Variants in CORO2B observed in about 807,000 individuals in gnomAD.
The protein encoded by CORO2B is coronin-2B.
A neutral mutation model predicts 58.8 loss-of-function variants in CORO2B; 26 were observed. The ratio of observed to expected loss-of-function variants is 0.44; its 90% CI spans 0.32 to 0.61. The LOEUF (loss-of-function observed/expected upper bound fraction) is 0.61, where lower values mean the gene tolerates loss of function less well. Among genes scored for constraint, CORO2B ranks in the 20% least tolerant of loss-of-function variants. The probability of loss-of-function intolerance (pLI) is 0.04; values close to 1 mark genes in which losing one functional copy is unlikely to be tolerated. For missense variants in CORO2B, 460 were observed against 645.1 expected (o/e 0.71, Z 3.11); for synonymous variants, 242 against 253.8 (o/e 0.95, Z 0.44).
At chr15:68,659,467 C>T (rs1901938414) in intron 2 of CORO2B, among the ~76,000 whole-genome samples, 1 of 152,192 alleles carries the variant, frequency 6.6e-6, no homozygotes, top group African/African-American at 2.4e-5. Flanking sequence ...AATCCCAGCA[C>T]ATTGGGAGGC....
chr15:68,719,391 G>A (rs1893109441), intron 10 of CORO2B, 22 bp from the exon 11 acceptor site: 15 of 1,612,458 alleles, frequency 9.3e-6, no homozygotes, highest in Non-Finnish European at 1.1e-5. Context: ...GTCAGTGAGA[G>A]CGTTTCCCTT....
intron 1 of CORO2B, among the ~76,000 whole-genome samples, 186 bp downstream of exon 1, chr15:68,579,463 G>A (rs1899367419): frequency 6.6e-6 from 1 of 152,062 alleles, no homozygotes; most frequent in Non-Finnish European, 1.5e-5. Context: ...GGAGGCCAGG[G>A]GGAGGATGCC....
At chr15:68,696,655 G>A (rs1892520414) in intron 3 of CORO2B, among the ~76,000 whole-genome samples, 1 of 152,118 alleles carries the variant, frequency 6.6e-6, no homozygotes, top group African/African-American at 2.4e-5. Flanking sequence ...AGTGGAGGTA[G>A]GGTCAGAGGG....
chr15:68,720,985 G>A (rs1161168835), intron 11 of CORO2B, among the ~76,000 whole-genome samples: 3 of 152,182 alleles, frequency 2.0e-5, no homozygotes, highest in Non-Finnish European at 4.4e-5. Flanking sequence ...AGGTTCAAGC[G>A]ATTGTCCTGC....
chr15:68,701,285 G>T (rs1381198685), intron 3 of CORO2B, among the ~76,000 whole-genome samples: 3 of 151,170 alleles, frequency 2.0e-5, no homozygotes, highest in Admixed American at 6.6e-5. Flanking sequence ...CAGGCTCTGC[G>T]ATCTAGGACT....
chr15:68,669,988 C>T (rs1902332511), intron 2 of CORO2B, among the ~76,000 whole-genome samples: 2 of 148,808 alleles, frequency 1.3e-5, no homozygotes, highest in Non-Finnish European at 3.0e-5. Context: ...ACCTAGGAGA[C>T]AGAGGTTGCA....
chr15:68,584,194 T>G (rs1243512452), intron 1 of CORO2B, among the ~76,000 whole-genome samples: 1 of 152,236 alleles, frequency 6.6e-6, no homozygotes, highest in Non-Finnish European at 1.5e-5. Context: ...TTGCCTTGCC[T>G]GCATACTGTA....
intron 1 of CORO2B, among the ~76,000 whole-genome samples, chr15:68,622,542 A>G (rs572299156): frequency 2.0e-5 from 3 of 152,294 alleles, no homozygotes; most frequent in Admixed American, 6.5e-5. Context: ...AATTGCCTTC[A>G]GCAATGGGGA....
In CORO2B at chr15:68,705,008, A is replaced by T. The variant is rs1892748204; in HGVS notation, c.334-5724A>T. Among the ~76,000 whole-genome samples the T allele has an allele frequency of 2.0e-5, 3 of 152,084 alleles. No individual in the cohort carries two copies. The South Asian group carries it at 6.2e-4, about 32-fold the overall frequency. The stretch of plus-strand genomic sequence containing the variant: ...AATCCCTCGAATACTAAGGGATTGG[A>T]ATTCCTTTCCCAGCTACTCAGGCCC... On this transcript the variant is annotated intron_variant, in intron 3 of 11. Coordinates refer to ENST00000261861, the MANE Select transcript of CORO2B (RefSeq NM_006091.5).
At chr15:68,558,550 A>AT in the CORO2B span, among the ~76,000 whole-genome samples, 3 of 151,916 alleles carry the variant, frequency 2.0e-5, no homozygotes, top group Admixed American at 6.6e-5. Context: ...GTAACTTATT[A>AT]TTTTTTGTAG....
At chr15:68,625,852 C>G (rs12915858) in intron 1 of CORO2B, among the ~76,000 whole-genome samples, 23,244 of 151,638 alleles carry the variant, frequency 0.15, 1,913 homozygotes, top group African/African-American at 0.21. Context: ...CAATCTGCCC[C>G]CCTTGGCCTC....
chr15:68,535,764 T>A, the CORO2B span, among the ~76,000 whole-genome samples: 1 of 152,136 alleles, frequency 6.6e-6, no homozygotes, highest in African/African-American at 2.4e-5. Flanking sequence ...CTACAAGCAG[T>A]ATGTAGGATT....
intron 3 of CORO2B, among the ~76,000 whole-genome samples, chr15:68,696,910 G>A (rs1567012346): frequency 6.6e-6 from 1 of 152,198 alleles, no homozygotes. Flanking sequence ...CAGAGCCTGG[G>A]TACCGGTCAG....
chr15:68,698,424 C>T (rs1192514689), intron 3 of CORO2B, among the ~76,000 whole-genome samples: 12 of 152,292 alleles, frequency 7.9e-5, no homozygotes, highest in African/African-American at 2.4e-4. Context: ...AGTCCTAGCT[C>T]GGCGTCTTAT....
chr15:68,702,404 A>G (rs1441161636), intron 3 of CORO2B, among the ~76,000 whole-genome samples: 2 of 152,156 alleles, frequency 1.3e-5, no homozygotes, highest in Non-Finnish European at 2.9e-5. Flanking sequence ...GTAGATGCTC[A>G]ACAATGCTTC....
rs35973911 is a variant in CORO2B, at chr15:68,705,436, C to CAAAAAAAAAAAA, written c.334-5289_334-5278dup. ...CTGGGCAAAAGGTGAAACTCTATCT[C>CAAAAAAAAAAAA]AAAAAAAAAAAAAAAAAAGAAAGTA... is the stretch of plus-strand genomic sequence containing the variant. On this transcript the variant is annotated intron_variant, in intron 3 of 11. Coordinates refer to ENST00000261861, the MANE Select transcript of CORO2B (RefSeq NM_006091.5). Among the ~76,000 whole-genome samples the CAAAAAAAAAAAA allele has an allele frequency of 4.7e-3, 524 of 112,622 alleles. 6 individuals carry two copies. Among genetic ancestry groups the CAAAAAAAAAAAA allele is most frequent in the African/African-American group, 0.018 (501 of 27,910 alleles). The allele number at this position is 112,622 out of a possible 152,430, so 73.9% of individuals were successfully genotyped here. A position where few individuals can be genotyped will look rare whatever the true frequency, so the allele number is the denominator to read the frequency against.
At position 68,674,990 on chromosome 15, in the gene CORO2B, TAG is replaced by T. The variant is rs1319004396; in HGVS notation, c.217-20145_217-20144del. Reference sequence around the variant, plus strand: ...AGTAGAACTTCAGGTATCAGTCAGCTAGAGAGTCAGAGATTCTTTTATAAGGC... The same window carrying T: ...AGTAGAACTTCAGGTATCAGTCAGCTAGAGTCAGAGATTCTTTTATAAGGC... On this transcript the variant is annotated intron_variant, in intron 2 of 11. Transcript: ENST00000261861. 1.5e-4 allele frequency among the ~76,000 whole-genome samples: 23 copies of T among 152,302 alleles called. No individual in the cohort carries two copies. The East Asian group carries it at 4.2e-3, about 28-fold the overall frequency.
At chr15:68,715,399 A>G (rs1567019033) in intron 8 of CORO2B, 88 bp downstream of exon 8, 2 of 932,354 alleles carry the variant, frequency 2.1e-6, no homozygotes, top group Non-Finnish European at 1.7e-6. Flanking sequence ...TTAAGTGGAA[A>G]ATCAGACTCA....
intron 1 of CORO2B, among the ~76,000 whole-genome samples, chr15:68,644,728 G>A (rs1901366283): frequency 6.6e-6 from 1 of 152,124 alleles, no homozygotes; most frequent in Non-Finnish European, 1.5e-5. Context: ...TGTGGGCCCT[G>A]TCCTCAATCT....
Sources: allele counts gnomAD v4.1 joint callset (sites outside exome capture counted in the v4.1 genomes callset), GRCh38; gene constraint gnomAD v4.1.1; transcripts MANE v1.5; gene names NCBI Gene and HGNC (gene_info 2026-07-23, HGNC 2026-07-21).